SLC45A1: variants seen among roughly 807,000 people sequenced by gnomAD.
The protein encoded by SLC45A1 is proton-associated sugar transporter A.
Under a neutral mutation model 57.6 loss-of-function variants are expected in SLC45A1, and 28 were observed. The observed-to-expected ratio is 0.49, with a 90% CI of 0.36 to 0.67. The LOEUF (loss-of-function observed/expected upper bound fraction) is 0.67. Ranked by LOEUF, SLC45A1 falls within the 30% of genes least tolerant of loss-of-function variation. The probability of loss-of-function intolerance (pLI) is 0.00; values close to 1 mark genes in which losing one functional copy is unlikely to be tolerated. For synonymous variants in SLC45A1, 459 were observed against 471.5 expected, an observed-to-expected ratio of 0.97 and a Z score of 0.34; for missense variants, 814 against 1,041.5, an observed-to-expected ratio of 0.78 and a Z score of 3.01.
intron 8 of SLC45A1, 48 bp downstream of exon 8, chr1:8,339,746 C>T (rs1460035219): frequency 6.5e-7 from 1 of 1,527,536 alleles, no homozygotes; most frequent in Admixed American, 1.7e-5. Flanking sequence ...TTGGAGAAAC[C>T]CCACCTGAGA....
intron 1 of SLC45A1, among the ~76,000 whole-genome samples, chr1:8,323,610 C>A (rs972316015): frequency 1.0e-5 from 1 of 100,402 alleles, no homozygotes; most frequent in African/African-American, 2.9e-5. Flanking sequence ...TTCCAGAGTT[C>A]GGCTTATTAA....
At position 8,326,731 on chromosome 1, in the gene SLC45A1, CA is replaced by C. The variant is rs1640214634; in HGVS notation, c.715+690del. ...CAGTGGCTCATGCCTGTAATCCCAG[CA>C]CTTTGGGAGGGTGAGGTGGGTGGAT... On this transcript the variant is annotated intron_variant, in intron 4 of 8. Transcript: ENST00000471889. The surrounding 1 kb of genome is among the most constrained non-coding windows in gnomAD (Gnocchi z 5.5). 6.6e-6 allele frequency among the ~76,000 whole-genome samples: 1 copy of C among 152,186 alleles called. No homozygotes were observed. Among genetic ancestry groups the C allele is most frequent in the African/African-American group, 2.4e-5 (1 of 41,446 alleles).
chr1:8,340,438 A>G (rs2124326450), intron 8 of SLC45A1, among the ~76,000 whole-genome samples: 1 of 152,318 alleles, frequency 6.6e-6, no homozygotes, highest in Middle Eastern at 3.4e-3. Context: ...CTGGGATTAC[A>G]GGCGTGAGCC....
chr1:8,337,811 T>C lies in SLC45A1; in HGVS notation c.1598-5T>C, dbSNP rs1358377280. 1.2e-6 allele frequency: 2 copies of C among 1,612,518 alleles called. No homozygotes were observed. The highest frequency in any genetic ancestry group is 1.7e-6 in the Non-Finnish European group (2 of 1,179,418). On this transcript the variant is annotated splice_polypyrimidine_tract_variant and splice_region_variant and intron_variant, in intron 6 of 8. Coordinates refer to ENST00000471889, the MANE Select transcript of SLC45A1 (RefSeq NM_001080397.3). ...CGAGGTCATGAACCTCTTTCTTTCT[T>C]CCAGGGTGGCTCTCATTCGAGGGGA... is the stretch of plus-strand genomic sequence containing the variant.
intron 1 of SLC45A1, among the ~76,000 whole-genome samples, chr1:8,323,119 G>T (rs1225780058): frequency 6.6e-6 from 1 of 152,176 alleles, no homozygotes; most frequent in Admixed American, 6.5e-5. Context: ...CGCGGGAGGG[G>T]AGTGGAAGGA....
rs1430805627 is a variant in SLC45A1 at position 8,326,349 on chromosome 1, A to G, written c.715+307A>G. On this transcript the variant is annotated intron_variant, in intron 4 of 8. Coordinates refer to ENST00000471889, the MANE Select transcript of SLC45A1 (RefSeq NM_001080397.3). This position sits in a 1 kb window ranked among gnomAD's most constrained non-coding sequence, Gnocchi z 5.5. Reference sequence around the variant, plus strand: ...CAAACACTGAATTAGCAAACACCGCATCTCGCTCCTAGGAAAAATACAGGG... The same window carrying G: ...CAAACACTGAATTAGCAAACACCGCGTCTCGCTCCTAGGAAAAATACAGGG... 6.6e-6 allele frequency among the ~76,000 whole-genome samples: 1 copy of G among 152,210 alleles called. No individual in the cohort carries two copies. The highest frequency in any genetic ancestry group is 6.5e-5 in the Admixed American group (1 of 15,284).
Position 8,326,149 on chromosome 1 carries a change from GA to G in SLC45A1, c.715+109del, listed in dbSNP as rs1268088385. ...CCCTGATTTAACAAAGAAGCTGGGA[GA>G]ATTCCAATACATGGAGAAACACTGA... is the stretch of plus-strand genomic sequence containing the variant. On this transcript the variant is annotated intron_variant, in intron 4 of 8. Coordinates refer to ENST00000471889, the MANE Select transcript of SLC45A1 (RefSeq NM_001080397.3). This position sits in a 1 kb window ranked among gnomAD's most constrained non-coding sequence, Gnocchi z 5.5. 2 of 803,582 alleles carry G rather than the reference GA, an allele frequency of 2.5e-6. No individual in the cohort carries two copies. The highest frequency in any genetic ancestry group is 4.0e-6 in the Non-Finnish European group (2 of 505,390). The allele number at this position is 803,582 out of a possible 1,614,324, so 49.8% of individuals were successfully genotyped here.
At chr1:8,323,177 T>A (rs1640084088) in intron 1 of SLC45A1, among the ~76,000 whole-genome samples, 1 of 152,032 alleles carries the variant, frequency 6.6e-6, no homozygotes, top group South Asian at 2.1e-4. Context: ...ACCTAGGTCA[T>A]GGGCATTGTG....
chr1:8,329,726 G>A (rs1335425857), intron 4 of SLC45A1, among the ~76,000 whole-genome samples: 1 of 152,212 alleles, frequency 6.6e-6, no homozygotes, highest in Non-Finnish European at 1.5e-5. Context: ...TGGGGAGGCA[G>A]GACCCATCTG....
chr1:8,335,239 C>T lies in SLC45A1; in HGVS notation c.1444-198C>T, dbSNP rs577071060. The stretch of plus-strand genomic sequence containing the variant: ...AATGGAATTCTAGCCTTAGCTGCTC[C>T]GGGGCCTCGGAAACAATGCCCTGAA... On this transcript the variant is annotated intron_variant, in intron 5 of 8. Coordinates refer to ENST00000471889, the MANE Select transcript of SLC45A1 (RefSeq NM_001080397.3). The surrounding 1 kb of genome is among the most constrained non-coding windows in gnomAD (Gnocchi z 4.1). 3.3e-5 allele frequency among the ~76,000 whole-genome samples: 5 copies of T among 152,350 alleles called. No individual in the cohort carries two copies. In the South Asian group the frequency reaches 6.2e-4, roughly 19 times the overall value.
intron 1 of SLC45A1, among the ~76,000 whole-genome samples, 186 bp downstream of exon 1, chr1:8,318,372 G>A (rs550485166): frequency 6.6e-6 from 1 of 152,336 alleles, no homozygotes; most frequent in South Asian, 2.1e-4. Context: ...TCGCCCCTCC[G>A]AGGGCAGGAG....
At chr1:8,319,337 G>T (rs116522617) in intron 1 of SLC45A1, among the ~76,000 whole-genome samples, 2,039 of 152,274 alleles carry the variant, frequency 0.013, 46 homozygotes, top group African/African-American at 0.047. Flanking sequence ...GCAACCCCGT[G>T]GGGGGAGCTC....
chr1:8,329,395 A>C (rs1640300889), intron 4 of SLC45A1, among the ~76,000 whole-genome samples: 1 of 152,128 alleles, frequency 6.6e-6, no homozygotes, highest in African/African-American at 2.4e-5. Context: ...AACAAAATAA[A>C]ACACCGGATC....
chr1:8,338,020 G>T (rs779085166), intron 7 of SLC45A1, 28 bp downstream of exon 7: 2 of 1,606,356 alleles, frequency 1.2e-6, no homozygotes, highest in South Asian at 1.1e-5. Flanking sequence ...GGCTGGCACG[G>T]CAGTGAGAGC....
intron 1 of SLC45A1, among the ~76,000 whole-genome samples, chr1:8,319,312 G>A (rs1406592182): frequency 6.6e-6 from 1 of 152,210 alleles, no homozygotes; most frequent in Non-Finnish European, 1.5e-5. Context: ...GCCCTAGGAA[G>A]GGAGGTGGCC....
intron 7 of SLC45A1, among the ~76,000 whole-genome samples, chr1:8,338,298 A>T (rs1640688237): frequency 6.6e-6 from 1 of 152,242 alleles, no homozygotes; most frequent in African/African-American, 2.4e-5. Flanking sequence ...CCCCAAGGCC[A>T]CACCCAGGCA....
intron 1 of SLC45A1, among the ~76,000 whole-genome samples, chr1:8,318,984 G>A (rs1639908482): frequency 6.6e-6 from 1 of 152,202 alleles, no homozygotes. Context: ...AGAATGGGTA[G>A]AAAGAAGCAT....
intron 1 of SLC45A1, among the ~76,000 whole-genome samples, chr1:8,318,606 G>A (rs553560501): frequency 6.6e-6 from 1 of 152,318 alleles, no homozygotes; most frequent in South Asian, 2.1e-4. Context: ...GCATCCCAGG[G>A]TTACTTAGCG....
At chr1:8,339,071 A>G (rs1640716962) in intron 7 of SLC45A1, among the ~76,000 whole-genome samples, 1 of 152,130 alleles carries the variant, frequency 6.6e-6, no homozygotes, top group Admixed American at 6.5e-5. Context: ...CTGTCACATC[A>G]TCTTGGGGGT....
Sources: allele counts gnomAD v4.1 joint callset (sites outside exome capture counted in the v4.1 genomes callset), GRCh38; gene constraint gnomAD v4.1.1; non-coding constraint Gnocchi (gnomAD v3.1); transcripts MANE v1.5; gene names NCBI Gene and HGNC (gene_info 2026-07-23, HGNC 2026-07-21).